ANO4: variants seen among roughly 807,000 people sequenced by gnomAD.
The protein encoded by ANO4 is anoctamin-4.
Under a neutral mutation model 141.9 loss-of-function variants are expected in ANO4, and 69 were observed. That is an observed-to-expected ratio of 0.49 (90% CI 0.40 to 0.59). The LOEUF is 0.59. Among genes scored for constraint, ANO4 ranks in the 20% least tolerant of loss-of-function variants. The pLI is 0.00. For missense variants in ANO4, 894 were observed against 1,162.2 expected, an observed-to-expected ratio of 0.77 and a Z score of 3.36; for synonymous variants, 350 against 394.3, an observed-to-expected ratio of 0.89 and a Z score of 1.33.
chr12:100,749,732 A>G (rs1047422610), intron 3 of ANO4, among the ~76,000 whole-genome samples: 3 of 152,220 alleles, frequency 2.0e-5, no homozygotes, highest in African/African-American at 4.8e-5. Context: ...GCAAATAATT[A>G]TATATTTCAG....
intron 14 of ANO4, among the ~76,000 whole-genome samples, chr12:101,061,783 C>T (rs138215146): frequency 3.2e-4 from 49 of 152,076 alleles, no homozygotes; most frequent in African/African-American, 1.1e-3. Context: ...ATTCCTCTAA[C>T]CTTTTTTCAA....
intron 16 of ANO4, among the ~76,000 whole-genome samples, chr12:101,085,522 G>A (rs898373779): frequency 3.9e-5 from 6 of 152,130 alleles, no homozygotes; most frequent in African/African-American, 1.4e-4. Flanking sequence ...TATATAGGAG[G>A]TTGTGTACAG....
chr12:101,007,694 A>G (rs1006100628), intron 8 of ANO4, among the ~76,000 whole-genome samples: 54 of 152,102 alleles, frequency 3.6e-4, no homozygotes, highest in African/African-American at 1.2e-3. Context: ...TTTGGGGGGG[A>G]AAAGAGTGAC....
chr12:101,032,977 C>T (rs1213495983), intron 9 of ANO4, among the ~76,000 whole-genome samples: 1 of 151,986 alleles, frequency 6.6e-6, no homozygotes, highest in Non-Finnish European at 1.5e-5. Flanking sequence ...GGTATATACC[C>T]AAAGGACTAT....
chr12:100,942,667 T>C, intron 5 of ANO4, 132 bp downstream of exon 5: 1 of 958,386 alleles, frequency 1.0e-6, no homozygotes, highest in Non-Finnish European at 1.5e-6. Flanking sequence ...TCTTCAGAGT[T>C]TGGGGAATGT....
intron 3 of ANO4, among the ~76,000 whole-genome samples, chr12:100,922,734 G>T (rs1233587511): frequency 1.3e-5 from 2 of 152,102 alleles, no homozygotes. Flanking sequence ...GTGGAGCAAG[G>T]TGAAATCAGG....
At chr12:101,039,851 C>T (rs932830546) in intron 10 of ANO4, 104 bp from the exon 11 acceptor site, 47 of 1,284,452 alleles carry the variant, frequency 3.7e-5, no homozygotes, top group Non-Finnish European at 4.5e-5. Flanking sequence ...CTTTCTCATA[C>T]CACTCCTATC....
intron 14 of ANO4, among the ~76,000 whole-genome samples, chr12:101,075,815 T>C (rs1462406449): frequency 6.6e-6 from 1 of 151,728 alleles, no homozygotes; most frequent in East Asian, 1.9e-4. Context: ...CATAAGACAG[T>C]GTATAACTAG....
At chr12:101,002,433 G>A (rs1044040248) in intron 8 of ANO4, among the ~76,000 whole-genome samples, 2 of 152,152 alleles carry the variant, frequency 1.3e-5, no homozygotes, top group Admixed American at 6.5e-5. Context: ...AGGGCCTTTG[G>A]GATAAAGCTT....
At chr12:100,989,126 C>T (rs1453289741) in intron 8 of ANO4, among the ~76,000 whole-genome samples, 2 of 152,070 alleles carry the variant, frequency 1.3e-5, no homozygotes, top group African/African-American at 4.8e-5. Context: ...CGAGCTGATC[C>T]CCACAGGTCA....
In ANO4 at chr12:101,111,553, A is replaced by G. The variant is rs376286711; in HGVS notation, c.2303-10A>G. The G allele has an allele frequency of 8.9e-4, 1,422 of 1,594,704 alleles. 5 individuals are homozygous for G. The highest frequency in any genetic ancestry group is 1.1e-3 in the Non-Finnish European group (1,334 of 1,170,816). ...TGTATGGAACTAACACAACACTTCT[A>G]TTTGAATAGGAATTTGGTATGGAAT... On this transcript the variant is annotated splice_polypyrimidine_tract_variant and intron_variant, in intron 23 of 27. Transcript: ENST00000392977.
At chr12:101,094,334 C>T (rs1231093288) in intron 18 of ANO4, 42 bp downstream of exon 18, 1 of 1,528,132 alleles carries the variant, frequency 6.5e-7, no homozygotes, top group South Asian at 1.2e-5. Context: ...GTACTGTGGG[C>T]TAGAGAGTAT....
At chr12:100,774,838 A>G (rs1285315759) in intron 3 of ANO4, among the ~76,000 whole-genome samples, 6 of 152,248 alleles carry the variant, frequency 3.9e-5, no homozygotes, top group Non-Finnish European at 8.8e-5. Flanking sequence ...TTCCTTGGAC[A>G]ATCTTGTAAA....
At chr12:101,020,193 C>T (rs975518725) in intron 9 of ANO4, 53 bp downstream of exon 9, 14 of 1,255,346 alleles carry the variant, frequency 1.1e-5, no homozygotes, top group Non-Finnish European at 1.5e-5. Flanking sequence ...GAATTACAGA[C>T]TTCTTCCCTT....
At position 101,094,267 on chromosome 12, in the gene ANO4, A is replaced by T; in HGVS notation, c.1713A>T (p.Lys571Asn). The T allele has an allele frequency of 6.2e-7, 1 of 1,611,440 alleles. No homozygotes were observed. Among genetic ancestry groups the T allele is most frequent in the Non-Finnish European group, 8.5e-7 (1 of 1,177,840 alleles). The change falls in exon 18 of 28, where the codon AAA (lysine) becomes AAT (asparagine). Residue 571 changes from lysine to asparagine, a missense_variant. This residue lies in a region of ANO4 where 637 missense variants were observed against 909.2 expected (regional missense o/e 0.70). Transcript: ENST00000392977. ...AATTTATTTTACAGCTCTATGAAAA[A>T]GTTGCCCTGCTTCTGACGAATTTAG... is the stretch of plus-strand genomic sequence containing the variant. The part of the protein sequence containing the change: ...IIMLLNVLYE[K>N]VALLLTNLEQ...
intron 6 of ANO4, 171 bp from the exon 7 acceptor site, chr12:100,974,674 A>C (rs927176833): frequency 6.8e-6 from 5 of 736,346 alleles, no homozygotes; most frequent in South Asian, 2.9e-5. Context: ...TGACTCAAAA[A>C]CGCATGCCCT....
At chr12:100,855,994 G>A (rs939041053) in intron 1 of ANO4, among the ~76,000 whole-genome samples, 4 of 152,166 alleles carry the variant, frequency 2.6e-5, no homozygotes, top group African/African-American at 9.7e-5. Flanking sequence ...TTCAGCCAGG[G>A]ATAGAGGAAG....
At chr12:100,866,262 A>G (rs981241210) in intron 1 of ANO4, among the ~76,000 whole-genome samples, 2 of 152,150 alleles carry the variant, frequency 1.3e-5, no homozygotes, top group Non-Finnish European at 2.9e-5. Context: ...TTTTACTTTA[A>G]TCATACTGCC....
At chr12:100,992,664 C>G (rs2045193249) in intron 8 of ANO4, among the ~76,000 whole-genome samples, 1 of 152,060 alleles carries the variant, frequency 6.6e-6, no homozygotes, top group Non-Finnish European at 1.5e-5. Flanking sequence ...TGATTAATGC[C>G]TGTCTCTCTA....
Sources: gnomAD v4.1 joint callset for allele counts (sites outside exome capture counted in the v4.1 genomes callset) on GRCh38, gnomAD v4.1.1 for gene constraint, gnomAD v4.1.1 regional missense constraint, MANE v1.5 for transcripts, NCBI Gene and HGNC (gene_info 2026-07-23, HGNC 2026-07-21) for gene names.